SMPD4: variants seen among roughly 807,000 people sequenced by gnomAD.
SMPD4 encodes the protein neutral sphingomyelinase 3.
Under a neutral mutation model 97.8 loss-of-function variants are expected in SMPD4, and 58 were observed. The ratio of observed to expected loss-of-function variants is 0.59; its 90% confidence interval spans 0.48 to 0.74. SMPD4 has a LOEUF of 0.74. SMPD4 is among the 30% of genes least tolerant of loss of function. SMPD4 has a pLI of 0.00. For synonymous variants in SMPD4, 388 were observed against 450.0 expected (o/e 0.86, Z 1.74); for missense variants, 853 against 1,080.5 (o/e 0.79, Z 2.95).
intron 1 of SMPD4, among the ~76,000 whole-genome samples, chr2:130,177,552 C>T (rs1360122779): frequency 6.6e-6 from 1 of 151,990 alleles, no homozygotes; most frequent in Non-Finnish European, 1.5e-5. Context: ...CAAAAATTAG[C>T]CGGGCATGAT....
chr2:130,172,495 A>G lies in SMPD4; in HGVS notation c.513T>C (p.Leu171=), dbSNP rs569657548. The change falls in exon 8 of 20, where the codon CTT becomes CTC. Residue 171 remains leucine (L), a synonymous_variant. Coordinates refer to ENST00000680298, the MANE Select transcript of SMPD4 (RefSeq NM_017951.5). ...FALSLITQKP[L]PVSLHVRTSD... ...AAGTACGGACGTGGAGGGACACAGG[A>G]AGTGGCTGGAAAACCAAGCTAGTTG... 185 of 1,611,292 alleles carry G rather than the reference A, an allele frequency of 1.1e-4. 2 individuals carry two copies. In the South Asian group the frequency reaches 1.8e-3, roughly 16 times the overall value.
intron 11 of SMPD4, among the ~76,000 whole-genome samples, chr2:130,160,765 G>C (rs1417919462): frequency 6.6e-6 from 1 of 151,956 alleles, no homozygotes; most frequent in South Asian, 2.1e-4. Flanking sequence ...CACACCACCC[G>C]TAAGTCCCAG....
In SMPD4 at chr2:130,167,467, A is replaced by G; in HGVS notation, c.783T>C (p.Thr261=). ...CCAGCTCAACTCTCACCTGGAGCAGAGTTTCTGACCTCCAGATCTCGTGGG... is the reference window on the plus strand; with the variant it reads ...CCAGCTCAACTCTCACCTGGAGCAGGGTTTCTGACCTCCAGATCTCGTGGG... The part of the protein sequence containing the change: ...PASHEIWRSE[T]LLQVFVEMWL... The change falls in exon 9 of 20, where the codon ACT becomes ACC. Residue 261 remains threonine, a synonymous_variant. Coordinates refer to ENST00000680298, the MANE Select transcript of SMPD4 (RefSeq NM_017951.5). The G allele has an allele frequency of 6.2e-7, 1 of 1,613,466 alleles. No individual in the cohort carries two copies. The highest frequency in any genetic ancestry group is 8.5e-7 in the Non-Finnish European group (1 of 1,179,782).
chr2:130,161,341 G>T, intron 10 of SMPD4, 69 bp from the exon 11 acceptor site: 1 of 1,363,586 alleles, frequency 7.3e-7, no homozygotes, highest in South Asian at 1.2e-5. Flanking sequence ...GGGTGGGGAA[G>T]GGGAGAGATA....
chr2:130,154,146 C>T (rs1357587298), intron 16 of SMPD4, 131 bp downstream of exon 16: 54 of 1,229,382 alleles, frequency 4.4e-5, no homozygotes, highest in African/African-American at 1.8e-4. Flanking sequence ...TTTACTAAAA[C>T]GGGGGAAGGA....
chr2:130,178,261 C>G (rs534907595), intron 1 of SMPD4, among the ~76,000 whole-genome samples: 188 of 152,244 alleles, frequency 1.2e-3, no homozygotes, highest in Non-Finnish European at 2.1e-3. Flanking sequence ...TCACAACAAC[C>G]CGATGGGTAC....
intron 9 of SMPD4, among the ~76,000 whole-genome samples, chr2:130,165,425 TCAAAAAAAAAA>T (rs1220830464): frequency 9.9e-6 from 1 of 100,846 alleles, no homozygotes; most frequent in Non-Finnish European, 1.9e-5. Flanking sequence ...AAACTCGGTC[TCAAAAAAAAAA>T]CAAAAAAAAA....
At position 130,156,562 on chromosome 2, in the gene SMPD4, C is replaced by T. The variant is rs370955057; in HGVS notation, c.1188+23G>A. 2.7e-4 allele frequency: 441 copies of T among 1,605,662 alleles called. 2 individuals are homozygous for T. In the East Asian group the frequency reaches 4.5e-3, roughly 16 times the overall value. On this transcript the variant is annotated intron_variant, in intron 13 of 19. Transcript: ENST00000680298. ...AAGGCACACAGAGGACACAGGCACA[C>T]GTGTGACGGGGCCAACACTCACAGC... is the stretch of plus-strand genomic sequence containing the variant.
At chr2:130,174,168 A>G (rs1688757034) in intron 3 of SMPD4, among the ~76,000 whole-genome samples, 1 of 152,200 alleles carries the variant, frequency 6.6e-6, no homozygotes, top group Non-Finnish European at 1.5e-5. Flanking sequence ...CTATAGGCAC[A>G]CACCACTACA....
intron 11 of SMPD4, 54 bp downstream of exon 11, chr2:130,161,132 G>C: frequency 6.4e-7 from 1 of 1,561,434 alleles, no homozygotes; most frequent in African/African-American, 1.4e-5. Flanking sequence ...CCCTTGCTTT[G>C]CCAGGCATGG....
intron 10 of SMPD4, 48 bp downstream of exon 10, chr2:130,164,326 C>T (rs372842719): frequency 9.9e-6 from 15 of 1,517,326 alleles, no homozygotes; most frequent in Non-Finnish European, 1.3e-5. Flanking sequence ...AAGCAGCAGG[C>T]TGAGCAGGGT....
Position 130,155,019 on chromosome 2 carries a change from A to C in SMPD4, c.1453+77T>G. 2.6e-6 allele frequency: 4 copies of C among 1,558,024 alleles called. No homozygotes were observed. In the South Asian group the frequency reaches 4.8e-5, roughly 19 times the overall value. ...GGCGTGTGGGTCCCTCTTAAAGACC[A>C]GCCACCCCCAGCTAAGGGCCTGGCC... On this transcript the variant is annotated intron_variant, in intron 15 of 19. Coordinates refer to ENST00000680298, the MANE Select transcript of SMPD4 (RefSeq NM_017951.5).
chr2:130,162,725 C>T (rs150260946), intron 10 of SMPD4, among the ~76,000 whole-genome samples: 1,561 of 152,344 alleles, frequency 0.01, 16 homozygotes, highest in Non-Finnish European at 0.017. Flanking sequence ...TAGCACAGGC[C>T]TGGACAAGCG....
chr2:130,181,605 G>C (rs775744165), upstream of SMPD4: 49 of 1,597,962 alleles, frequency 3.1e-5, no homozygotes, highest in Non-Finnish European at 4.1e-5. Flanking sequence ...TCGTCATCAA[G>C]CTGCGCGCAG....
At position 130,152,704 on chromosome 2, in the gene SMPD4, T is replaced by A; in HGVS notation, c.2335A>T (p.Thr779Ser). 6.3e-7 allele frequency: 1 copy of A among 1,577,108 alleles called. No homozygotes were observed. Residue 779 changes from threonine to serine, a missense_variant, in exon 20 of 20, where the codon ACG (threonine) becomes TCG (serine). Coordinates refer to ENST00000680298, the MANE Select transcript of SMPD4 (RefSeq NM_017951.5). Reference sequence around the variant, plus strand: ...AAGGCCAGCAGCAGCGAGACCAGCGTCCGGTAACTGCCCAGGAAGCGCAGG... The same window carrying A: ...AAGGCCAGCAGCAGCGAGACCAGCGACCGGTAACTGCCCAGGAAGCGCAGG... ...LSLRFLGSYR[T>S]LVSLLLAFFV...
In SMPD4 at chr2:130,173,560, C is replaced by T. The variant is rs1432678255; in HGVS notation, c.223G>A (p.Val75Met). ...GWNLRCLQGR[V>M]NPVEYSIVME... The stretch of plus-strand genomic sequence containing the variant: ...ACGATGCTGTACTCCACAGGATTCA[C>T]GCGCCCCTGTAAGCAGCGGAGGTTC... The change falls in exon 4 of 20, where the codon GTG becomes ATG. Residue 75 changes from valine (V) to methionine (M), a missense_variant. Val to Met is a conservative substitution (Grantham distance 21). Transcript: ENST00000680298. 1.5e-5 allele frequency: 24 copies of T among 1,613,230 alleles called. No homozygotes were observed. The highest frequency in any genetic ancestry group is 2.2e-5 in the East Asian group (1 of 44,886).
intron 3 of SMPD4, 54 bp from the exon 4 acceptor site, chr2:130,173,710 G>T: frequency 1.9e-6 from 3 of 1,608,630 alleles, no homozygotes; most frequent in Non-Finnish European, 2.5e-6. Context: ...CTCCTGCCCC[G>T]GCTCTAGTCC....
rs1686544183 is a variant in SMPD4 at position 130,154,299 on chromosome 2, AACATCG to A, written c.1631_1636del (p.Pro544_Phe546delinsLeu). The A allele has an allele frequency of 6.2e-7, 1 of 1,607,842 alleles. No individual in the cohort carries two copies. The highest frequency in any genetic ancestry group is 1.3e-5 in the African/African-American group (1 of 74,786). On this transcript the variant is annotated inframe_deletion, in exon 16 of 20. Coordinates refer to ENST00000680298, the MANE Select transcript of SMPD4 (RefSeq NM_017951.5). ...CACCAGGGTGCGGGCCTCGGGCCCA[AACATCG>A]GGGTGTACTTGCAGTCCTGGCCCTC...
At position 130,167,444 on chromosome 2, in the gene SMPD4, A is replaced by C. The variant is rs1688041706; in HGVS notation, c.792+14T>G. ...GCTGGCTGAACAGTTTCTTTTGACC[A>C]GCTCAACTCTCACCTGGAGCAGAGT... is the stretch of plus-strand genomic sequence containing the variant. On this transcript the variant is annotated intron_variant, in intron 9 of 19. Coordinates refer to ENST00000680298, the MANE Select transcript of SMPD4 (RefSeq NM_017951.5). 1.2e-6 allele frequency: 2 copies of C among 1,612,690 alleles called. No homozygotes were observed. Among genetic ancestry groups the C allele is most frequent in the Non-Finnish European group, 1.7e-6 (2 of 1,179,736 alleles).
Sources: allele counts gnomAD v4.1 joint callset (sites outside exome capture counted in the v4.1 genomes callset), GRCh38; gene constraint gnomAD v4.1.1; transcripts MANE v1.5; gene names NCBI Gene and HGNC (gene_info 2026-07-23, HGNC 2026-07-21).